ATRNL1: variants seen among roughly 807,000 people sequenced by gnomAD.
ATRNL1 encodes the protein attractin-like protein 1.
Under a neutral mutation model 182.7 loss-of-function variants are expected in ATRNL1, and 95 were observed. That is an observed-to-expected ratio of 0.52 (90% confidence interval 0.44 to 0.62). The LOEUF (loss-of-function observed/expected upper bound fraction) is 0.62, where lower values mean the gene tolerates loss of function less well. Ranked by LOEUF, ATRNL1 falls within the 20% of genes least tolerant of loss-of-function variation. The pLI is 0.00. For synonymous variants in ATRNL1, 576 were observed against 568.3 expected (o/e 1.01, Z -0.19); for missense variants, 1,471 against 1,679.5 (o/e 0.88, Z 2.17).
intron 5 of ATRNL1, among the ~76,000 whole-genome samples, chr10:115,148,675 G>T (rs558244801): frequency 6.6e-6 from 1 of 150,806 alleles, no homozygotes; most frequent in South Asian, 2.1e-4. Context: ...GCAAAGTAAA[G>T]AAGAGAAAAG....
intron 1 of ATRNL1, among the ~76,000 whole-genome samples, chr10:115,108,939 G>A (rs1353947334): frequency 5.3e-5 from 8 of 152,100 alleles, no homozygotes; most frequent in African/African-American, 1.4e-4. Context: ...GCTGCTTCAT[G>A]TCAAGGATGG....
intron 27 of ATRNL1, among the ~76,000 whole-genome samples, chr10:115,817,820 A>C (rs1217263843): frequency 6.7e-6 from 1 of 150,218 alleles, no homozygotes; most frequent in African/African-American, 2.4e-5. Context: ...TGAGCCTATG[A>C]CATAGGCTAC....
intron 20 of ATRNL1, among the ~76,000 whole-genome samples, chr10:115,418,698 G>GA (rs1379773018): frequency 6.6e-6 from 1 of 152,016 alleles, no homozygotes; most frequent in African/African-American, 2.4e-5. Context: ...AAAGAAGTGA[G>GA]AAAAAAGAAG....
intron 26 of ATRNL1, among the ~76,000 whole-genome samples, chr10:115,554,061 A>G (rs1208866013): frequency 1.3e-5 from 2 of 151,614 alleles, no homozygotes; most frequent in East Asian, 3.8e-4. Flanking sequence ...AACCTTTTGT[A>G]GAATTTCATA....
chr10:115,687,027 A>G (rs563690515), intron 26 of ATRNL1, among the ~76,000 whole-genome samples: 1 of 151,930 alleles, frequency 6.6e-6, no homozygotes, highest in African/African-American at 2.4e-5. Flanking sequence ...TTATTTATTT[A>G]TTTATTTAGG....
At chr10:115,472,383 T>G (rs1848348885) in intron 24 of ATRNL1, among the ~76,000 whole-genome samples, 2 of 150,978 alleles carry the variant, frequency 1.3e-5, no homozygotes, top group African/African-American at 2.4e-5. Flanking sequence ...CTGTGAAAAA[T>G]GTAATTGGAA....
intron 15 of ATRNL1, among the ~76,000 whole-genome samples, chr10:115,298,389 G>A (rs1219128118): frequency 6.6e-6 from 1 of 152,092 alleles, no homozygotes; most frequent in Non-Finnish European, 1.5e-5. Context: ...TACTTTAAAT[G>A]TTTTATCAGC....
chr10:115,401,193 G>A (rs1325163467), intron 20 of ATRNL1, among the ~76,000 whole-genome samples: 1 of 151,978 alleles, frequency 6.6e-6, no homozygotes, highest in African/African-American at 2.4e-5. Context: ...CCTCTTATTA[G>A]AATGGGCACT....
chr10:115,854,767 G>A (rs1455892000), intron 28 of ATRNL1, among the ~76,000 whole-genome samples: 1 of 152,026 alleles, frequency 6.6e-6, no homozygotes, highest in Non-Finnish European at 1.5e-5. Context: ...CTCTCTCTTT[G>A]TGCCCTTTTA....
intron 21 of ATRNL1, among the ~76,000 whole-genome samples, chr10:115,460,416 A>G (rs11197222): frequency 0.22 from 33,764 of 152,012 alleles, 4,712 homozygotes; most frequent in Non-Finnish European, 0.32. Context: ...AAAAAATTAA[A>G]AAAAAAAATA....
At chr10:115,394,218 A>G (rs1372104960) in intron 19 of ATRNL1, among the ~76,000 whole-genome samples, 2 of 152,054 alleles carry the variant, frequency 1.3e-5, no homozygotes, top group Non-Finnish European at 2.9e-5. Flanking sequence ...AAGTGCTGTT[A>G]TTCTTCTTTT....
chr10:115,474,414 C>T (rs1359604302), intron 24 of ATRNL1, among the ~76,000 whole-genome samples: 2 of 151,254 alleles, frequency 1.3e-5, no homozygotes, highest in East Asian at 1.9e-4. Context: ...TATGATGTGT[C>T]CTAGTGAAGT....
At chr10:115,349,956 G>A (rs1196175203) in intron 19 of ATRNL1, among the ~76,000 whole-genome samples, 1 of 152,090 alleles carries the variant, frequency 6.6e-6, no homozygotes, top group East Asian at 1.9e-4. Context: ...TTAGCTTGAT[G>A]TGATTTCATT....
intron 27 of ATRNL1, among the ~76,000 whole-genome samples, chr10:115,729,495 T>TTGTGTGTGTG (rs139166434): frequency 0.035 from 5,036 of 142,082 alleles, 109 homozygotes; most frequent in Admixed American, 0.045. Flanking sequence ...CTACCCCATT[T>TTGTGTGTGTG]TGTGTGTGTG....
chr10:115,250,137 A>G (rs1304717133), intron 10 of ATRNL1, among the ~76,000 whole-genome samples: 2 of 152,146 alleles, frequency 1.3e-5, no homozygotes, highest in Non-Finnish European at 2.9e-5. Flanking sequence ...ACTTACACAG[A>G]TTGCTTGTGC....
At chr10:115,154,364 T>C (rs769057394) in intron 5 of ATRNL1, among the ~76,000 whole-genome samples, 3 of 152,268 alleles carry the variant, frequency 2.0e-5, no homozygotes, top group Non-Finnish European at 4.4e-5. Flanking sequence ...TGTAAGTCTC[T>C]AAGGACATGC....
chr10:115,424,528 A>G (rs588467), intron 20 of ATRNL1, among the ~76,000 whole-genome samples: 57,922 of 152,032 alleles, frequency 0.38, 12,232 homozygotes, highest in African/African-American at 0.57. Flanking sequence ...TATGGAATCA[A>G]TCTAAGTCTG....
intron 24 of ATRNL1, among the ~76,000 whole-genome samples, chr10:115,505,589 A>C (rs1038124622): frequency 5.0e-4 from 76 of 152,048 alleles, no homozygotes; most frequent in African/African-American, 1.8e-3. Context: ...GATATTTTAA[A>C]CTATTTTAGG....
intron 19 of ATRNL1, among the ~76,000 whole-genome samples, chr10:115,383,439 G>A (rs1858145319): frequency 6.6e-6 from 1 of 151,746 alleles, no homozygotes; most frequent in South Asian, 2.1e-4. Context: ...TAACATGCAT[G>A]CTAGATTAAC....
Sources: gnomAD v4.1 joint callset for allele counts (sites outside exome capture counted in the v4.1 genomes callset) on GRCh38, gnomAD v4.1.1 for gene constraint, MANE v1.5 for transcripts, NCBI Gene and HGNC (gene_info 2026-07-23, HGNC 2026-07-21) for gene names.